SKP1: variants seen among roughly 807,000 people sequenced by gnomAD.
SKP1 encodes the protein S-phase kinase-associated protein 1.
In SKP1, 1 loss-of-function variant was observed where a neutral mutation model predicts 21.5. The observed-to-expected ratio is 0.05, with a 90% CI of 0.02 to 0.22. The LOEUF (loss-of-function observed/expected upper bound fraction) is 0.22. SKP1 is among the 10% of genes least tolerant of loss of function. SKP1 has a pLI of 1.00. For synonymous variants in SKP1, 59 were observed against 59.3 expected, an observed-to-expected ratio of 0.99 and a Z score of 0.03; for missense variants, 70 against 192.0, an observed-to-expected ratio of 0.36 and a Z score of 3.76.
rs527986185 is a variant in SKP1, at chr5:134,149,498, C to T, written c.*8235G>A. On this transcript the variant is annotated 3_prime_UTR_variant, in exon 6 of 6. Transcript: ENST00000353411. Reference sequence around the variant, plus strand: ...CCACCATCATGCATTGTCATTGTCACTCCACTGAGTTCTATTTTTTGGATT... The same window carrying T: ...CCACCATCATGCATTGTCATTGTCATTCCACTGAGTTCTATTTTTTGGATT... 6.6e-6 allele frequency: 1 copy of T among 152,340 alleles called. No individual in the cohort carries two copies. Among genetic ancestry groups the T allele is most frequent in the South Asian group, 2.1e-4 (1 of 4,828 alleles). The allele number at this position is 152,340 out of a possible 1,614,324, so 9.4% of individuals were successfully genotyped here.
chr5:134,170,046 G>A (rs900177125), intron 2 of SKP1, among the ~76,000 whole-genome samples: 1 of 151,530 alleles, frequency 6.6e-6, no homozygotes, highest in African/African-American at 2.4e-5. Context: ...GCGCATGCCT[G>A]TAATCCCAGC....
rs1761137619 is a variant in SKP1, at chr5:134,157,341, T to C, written c.*392A>G. 1 of 190,058 alleles carries C rather than the reference T, an allele frequency of 5.3e-6. No homozygotes were observed. Among genetic ancestry groups the C allele is most frequent in the Admixed American group, 5.5e-5 (1 of 18,166 alleles). 11.8% of individuals were successfully genotyped at this position (190,058 alleles called of 1,614,324 possible). On this transcript the variant is annotated 3_prime_UTR_variant, in exon 6 of 6. Coordinates refer to ENST00000353411, the MANE Select transcript of SKP1 (RefSeq NM_170679.3). ...CAACTCATGAATAAAGATAATATTT[T>C]GTTAATTCTATTCCAGAAAACTTTT...
At chr5:134,157,818 A>C (rs1377374768) in intron 5 of SKP1, 50 bp from the exon 6 acceptor site, 2 of 1,613,040 alleles carry the variant, frequency 1.2e-6, no homozygotes, top group East Asian at 4.5e-5. Flanking sequence ...AGTCTTTCCT[A>C]AGACTTATAA....
chr5:134,160,848 G>A lies in SKP1; in HGVS notation c.315+139C>T, dbSNP rs1232932050. On this transcript the variant is annotated intron_variant, in intron 4 of 5. Coordinates refer to ENST00000353411, the MANE Select transcript of SKP1 (RefSeq NM_170679.3). ...GACCATTTACATTTAGTGTGTTACTGATATGTGGATTTAAATATGGCGTTA... is the reference window on the plus strand; with the variant it reads ...GACCATTTACATTTAGTGTGTTACTAATATGTGGATTTAAATATGGCGTTA... 3 of 619,310 alleles carry A rather than the reference G, an allele frequency of 4.8e-6. No homozygotes were observed. In the African/African-American group the frequency reaches 5.6e-5, roughly 11 times the overall value. 38.4% of individuals were successfully genotyped at this position (619,310 alleles called of 1,614,324 possible).
At chr5:134,161,307 G>T in intron 3 of SKP1, 177 bp from the exon 4 acceptor site, 1 of 518,382 alleles carries the variant, frequency 1.9e-6, no homozygotes. Context: ...CCCTAGAAGG[G>T]AGAAGATCTT....
chr5:134,167,816 G>C (rs922367805), intron 2 of SKP1, among the ~76,000 whole-genome samples: 2 of 152,164 alleles, frequency 1.3e-5, no homozygotes, highest in Non-Finnish European at 2.9e-5. Context: ...GAGCCACCGC[G>C]TCCAGCCATC....
chr5:134,150,317 G>A lies in SKP1; in HGVS notation c.*7416C>T, dbSNP rs1318098806. 1 of 152,234 alleles carries A rather than the reference G, an allele frequency of 6.6e-6. No individual in the cohort carries two copies. Among genetic ancestry groups the A allele is most frequent in the African/African-American group, 2.4e-5 (1 of 41,440 alleles). The allele number at this position is 152,234 out of a possible 1,614,324, so 9.4% of individuals were successfully genotyped here. On this transcript the variant is annotated 3_prime_UTR_variant, in exon 6 of 6. Coordinates refer to ENST00000353411, the MANE Select transcript of SKP1 (RefSeq NM_170679.3). ...TGGACCCCTAACAGCTAGCTCAGAAGCACTGCACCCTAGCTTTGTTCAGTA... is the reference window on the plus strand; with the variant it reads ...TGGACCCCTAACAGCTAGCTCAGAAACACTGCACCCTAGCTTTGTTCAGTA...
rs1250329444 is a variant in SKP1, at chr5:134,150,970, A to G, written c.*6763T>C. 4 of 152,264 alleles carry G rather than the reference A, an allele frequency of 2.6e-5. No homozygotes were observed. The highest frequency in any genetic ancestry group is 9.6e-5 in the African/African-American group (4 of 41,460). 9.4% of individuals were successfully genotyped at this position (152,264 alleles called of 1,614,324 possible). On this transcript the variant is annotated 3_prime_UTR_variant, in exon 6 of 6. Coordinates refer to ENST00000353411, the MANE Select transcript of SKP1 (RefSeq NM_170679.3). Reference sequence around the variant, plus strand: ...GGTCAGGAAGGATTTTCAAGCTCTTAAAGATAGCATGGGATTAGGCATGTT... The same window carrying G: ...GGTCAGGAAGGATTTTCAAGCTCTTGAAGATAGCATGGGATTAGGCATGTT...
At chr5:134,158,715 G>GC in intron 4 of SKP1, 120 bp from the exon 5 acceptor site, 1 of 863,142 alleles carries the variant, frequency 1.2e-6, no homozygotes, top group Non-Finnish European at 1.9e-6. Flanking sequence ...AAATTAAAGG[G>GC]AGAAGAATAA....
intron 1 of SKP1, among the ~76,000 whole-genome samples, chr5:134,176,145 T>C (rs1006055473): frequency 1.3e-5 from 2 of 152,198 alleles, no homozygotes; most frequent in East Asian, 3.8e-4. Context: ...GCCAGATACC[T>C]AGAGTTAAGT....
Position 134,150,756 on chromosome 5 carries a change from C to T in SKP1, c.*6977G>A, listed in dbSNP as rs965520435. 6.6e-6 allele frequency: 1 copy of T among 152,182 alleles called. No individual in the cohort carries two copies. The highest frequency in any genetic ancestry group is 1.5e-5 in the Non-Finnish European group (1 of 68,028). The allele number at this position is 152,182 out of a possible 1,614,324, so 9.4% of individuals were successfully genotyped here. A position where few individuals can be genotyped will look rare whatever the true frequency, so the allele number is the denominator to read the frequency against. On this transcript the variant is annotated 3_prime_UTR_variant, in exon 6 of 6. Coordinates refer to ENST00000353411, the MANE Select transcript of SKP1 (RefSeq NM_170679.3). Reference sequence around the variant, plus strand: ...ATTGTGATAACCTTGTTCCAAATCTCAAATCACCCTATGGGCATCTTTCAA... The same window carrying T: ...ATTGTGATAACCTTGTTCCAAATCTTAAATCACCCTATGGGCATCTTTCAA...
rs1182567583 is a variant in SKP1, at chr5:134,151,959, A to G, written c.*5774T>C. On this transcript the variant is annotated 3_prime_UTR_variant, in exon 6 of 6. Transcript: ENST00000353411. ...CAGCAGAAAGGATAACATTCAGCCA[A>G]TCCTGCTTAGGTGTCCAAATGGCTC... The G allele has an allele frequency of 1.9e-5, 5 of 269,870 alleles. No homozygotes were observed. The highest frequency in any genetic ancestry group is 3.1e-5 in the Non-Finnish European group (4 of 131,032). The allele number at this position is 269,870 out of a possible 1,614,324, so 16.7% of individuals were successfully genotyped here.
At chr5:134,173,700 C>T (rs1329594690) in intron 2 of SKP1, 1 of 618,176 alleles carries the variant, frequency 1.6e-6, no homozygotes, top group Non-Finnish European at 3.0e-6. Flanking sequence ...GTTTATTTTA[C>T]CTTATGATTT....
chr5:134,169,184 T>G (rs2284312), intron 2 of SKP1, among the ~76,000 whole-genome samples: 1 of 151,988 alleles, frequency 6.6e-6, no homozygotes, highest in Non-Finnish European at 1.5e-5. Context: ...GACAATGCAC[T>G]TGATGACATG....
rs978122129 is a variant in SKP1, at chr5:134,149,284, T to C, written c.*8449A>G. On this transcript the variant is annotated 3_prime_UTR_variant, in exon 6 of 6. Transcript: ENST00000353411. ...TGTCTATTATTCCATTCCGTATCCA[T>C]ATACCATGTGTACTCACTGTTTAGC... 6 of 152,214 alleles carry C rather than the reference T, an allele frequency of 3.9e-5. No individual in the cohort carries two copies. Among genetic ancestry groups the C allele is most frequent in the African/African-American group, 1.2e-4 (5 of 41,450 alleles). The allele number at this position is 152,214 out of a possible 1,614,324, so 9.4% of individuals were successfully genotyped here. A position where few individuals can be genotyped will look rare whatever the true frequency, so the allele number is the denominator to read the frequency against.
Position 134,155,207 on chromosome 5 carries a change from G to C in SKP1, c.*2526C>G, listed in dbSNP as rs1038891794. ...AATATTAGTTTAGAAGAATAGTTGG[G>C]AAGTAAGAGAGTAGCCAGAAATGAG... On this transcript the variant is annotated 3_prime_UTR_variant, in exon 6 of 6. Transcript: ENST00000353411. 6 of 152,214 alleles carry C rather than the reference G, an allele frequency of 3.9e-5. No individual in the cohort carries two copies. The highest frequency in any genetic ancestry group is 1.4e-4 in the African/African-American group (6 of 41,444). 9.4% of individuals were successfully genotyped at this position (152,214 alleles called of 1,614,324 possible).
At chr5:134,164,583 G>T (rs1369615861) in intron 3 of SKP1, among the ~76,000 whole-genome samples, 1 of 152,018 alleles carries the variant, frequency 6.6e-6, no homozygotes, top group Non-Finnish European at 1.5e-5. Context: ...GATGGCATTT[G>T]AATGTACCAG....
At chr5:134,159,319 T>A (rs927402101) in intron 4 of SKP1, among the ~76,000 whole-genome samples, 2 of 152,168 alleles carry the variant, frequency 1.3e-5, no homozygotes, top group African/African-American at 4.8e-5. Context: ...TACCTTTCTG[T>A]TTGTGATTTC....
intron 2 of SKP1, among the ~76,000 whole-genome samples, chr5:134,167,938 C>T (rs1156403752): frequency 1.3e-5 from 2 of 152,242 alleles, no homozygotes; most frequent in East Asian, 3.9e-4. Context: ...ACAGGGGTGT[C>T]CTGAAACCAA....
Sources: gnomAD v4.1 joint callset for allele counts (sites outside exome capture counted in the v4.1 genomes callset) on GRCh38, gnomAD v4.1.1 for gene constraint, MANE v1.5 for transcripts, NCBI Gene and HGNC (gene_info 2026-07-23, HGNC 2026-07-21) for gene names.